The following MYO16 variants were observed in gnomAD, a reference collection of about 807,000 sequenced individuals.
MYO16 encodes unconventional myosin-XVI.
Under a neutral mutation model 205.3 loss-of-function variants are expected in MYO16, and 94 were observed. The ratio of observed to expected loss-of-function variants is 0.46; its 90% CI spans 0.39 to 0.54. The LOEUF (loss-of-function observed/expected upper bound fraction) is 0.54. Ranked by LOEUF, MYO16 falls within the 20% of genes least tolerant of loss-of-function variation. The pLI is 0.00. For synonymous variants in MYO16, 988 were observed against 954.0 expected (o/e 1.04, Z -0.66); for missense variants, 2,315 against 2,387.5 (o/e 0.97, Z 0.63).
At chr13:108,923,447 C>T (rs9555533) in intron 16 of MYO16, among the ~76,000 whole-genome samples, 26,540 of 152,198 alleles carry the variant, frequency 0.17, 2,629 homozygotes, top group East Asian at 0.49. Context: ...CTGTTTGGAG[C>T]AGTGGAGGGA....
At chr13:108,851,899 G>A (rs1307190158) in intron 10 of MYO16, among the ~76,000 whole-genome samples, 1 of 152,058 alleles carries the variant, frequency 6.6e-6, no homozygotes, top group African/African-American at 2.4e-5. Context: ...CAGGGCCCAG[G>A]AAGCTTTTCC....
chr13:108,714,967 C>G (rs1883884380), intron 3 of MYO16, among the ~76,000 whole-genome samples: 3 of 152,168 alleles, frequency 2.0e-5, no homozygotes, highest in Admixed American at 2.0e-4. Flanking sequence ...CAGGTTCCAT[C>G]TTTGCCTGCA....
At chr13:108,624,440 A>C (rs1386036172) in intron 1 of MYO16, among the ~76,000 whole-genome samples, 1 of 152,206 alleles carries the variant, frequency 6.6e-6, no homozygotes, top group African/African-American at 2.4e-5. Flanking sequence ...TCCATATCAC[A>C]CATGTGCACA....
chr13:108,822,178 G>GA (rs1306133977), intron 8 of MYO16, among the ~76,000 whole-genome samples: 1 of 152,028 alleles, frequency 6.6e-6, no homozygotes, highest in Non-Finnish European at 1.5e-5. Context: ...ATAGATTTAT[G>GA]AAAAAAATCT....
intron 13 of MYO16, among the ~76,000 whole-genome samples, chr13:108,884,610 A>T (rs1018749925): frequency 6.6e-6 from 1 of 152,148 alleles, no homozygotes; most frequent in South Asian, 2.1e-4. Context: ...TCTAGACACA[A>T]GGATGAGAAG....
intron 2 of MYO16, among the ~76,000 whole-genome samples, chr13:108,696,241 C>T (rs12184525): frequency 2.0e-5 from 3 of 152,062 alleles, no homozygotes; most frequent in Non-Finnish European, 2.9e-5. Flanking sequence ...AAGAATGTGT[C>T]TATACAAATG....
the MYO16 span, among the ~76,000 whole-genome samples, chr13:108,496,161 GGAAA>G: frequency 3.5e-4 from 54 of 152,286 alleles, 1 homozygote; most frequent in African/African-American, 1.2e-3. Context: ...TCCCTTCCTG[GGAAA>G]GGAATCGCGG....
chr13:108,976,458 A>G (rs1156497309), intron 20 of MYO16, among the ~76,000 whole-genome samples: 1 of 152,164 alleles, frequency 6.6e-6, no homozygotes, highest in Non-Finnish European at 1.5e-5. Context: ...GTATGTTTCC[A>G]CTTTCCTTGT....
At chr13:108,862,879 T>C (rs1220880740) in intron 11 of MYO16, among the ~76,000 whole-genome samples, 2 of 152,210 alleles carry the variant, frequency 1.3e-5, no homozygotes, top group Non-Finnish European at 2.9e-5. Flanking sequence ...GGAGCAATTT[T>C]GATTTTTTGG....
intron 2 of MYO16, among the ~76,000 whole-genome samples, chr13:108,697,263 C>T (rs957965): frequency 0.23 from 35,045 of 152,032 alleles, 4,618 homozygotes; most frequent in East Asian, 0.45. Flanking sequence ...TGGCTCTCCT[C>T]CCTTCATTCT....
intron 27 of MYO16, among the ~76,000 whole-genome samples, chr13:109,090,175 A>G (rs1286048857): frequency 1.3e-5 from 2 of 152,198 alleles, no homozygotes; most frequent in Admixed American, 6.5e-5. Flanking sequence ...TGTCATAGTG[A>G]TAATGCGAAG....
intron 16 of MYO16, among the ~76,000 whole-genome samples, chr13:108,935,687 C>T (rs1882447133): frequency 6.6e-6 from 1 of 152,104 alleles, no homozygotes; most frequent in South Asian, 2.1e-4. Context: ...GAGTCGGCAT[C>T]ATTGGCTTGT....
the MYO16 span, among the ~76,000 whole-genome samples, chr13:108,509,172 A>G: frequency 1.3e-5 from 2 of 152,240 alleles, no homozygotes; most frequent in African/African-American, 4.8e-5. Flanking sequence ...AGGGAGTAAT[A>G]TAAGTAGAGG....
At chr13:109,037,442 T>C (rs1886752183) in intron 23 of MYO16, among the ~76,000 whole-genome samples, 1 of 152,056 alleles carries the variant, frequency 6.6e-6, no homozygotes, top group African/African-American at 2.4e-5. Context: ...AGAAGCTTTT[T>C]ATTGGGAGGC....
rs557052308 is a variant in MYO16 at position 108,998,481 on chromosome 13, T to C, written c.2442+6033T>C. On this transcript the variant is annotated intron_variant, in intron 21 of 34. Transcript: ENST00000457511. ...AATTAGATTTTCTCTGGCCAGATAA[T>C]ATGTTCCCACTTCTGCACCAATTCT... Among the ~76,000 whole-genome samples the C allele has an allele frequency of 1.6e-3, 247 of 152,320 alleles. 1 individual carries two copies. The highest frequency in any genetic ancestry group is 5.7e-3 in the African/African-American group (237 of 41,582).
chr13:109,032,378 A>C (rs1023646625), intron 23 of MYO16, among the ~76,000 whole-genome samples: 7 of 152,076 alleles, frequency 4.6e-5, no homozygotes, highest in African/African-American at 1.4e-4. Context: ...TATCCCTCCC[A>C]CATCGTCGCA....
At chr13:108,761,375 A>G (rs1393620542) in intron 4 of MYO16, among the ~76,000 whole-genome samples, 2 of 151,946 alleles carry the variant, frequency 1.3e-5, no homozygotes, top group East Asian at 1.9e-4. Flanking sequence ...GAAAAAGAAA[A>G]AAAAGCTCTC....
chr13:109,026,139 T>C (rs556132094), intron 23 of MYO16, among the ~76,000 whole-genome samples: 1 of 152,240 alleles, frequency 6.6e-6, no homozygotes, highest in Non-Finnish European at 1.5e-5. Flanking sequence ...CAAATGCTTA[T>C]GCATTATAAT....
chr13:109,104,845 CTACT>C (rs1889072232), intron 28 of MYO16, among the ~76,000 whole-genome samples: 1 of 152,180 alleles, frequency 6.6e-6, no homozygotes. Context: ...CATTCCCTGG[CTACT>C]AGATTTTAAA....
Sources: allele counts gnomAD v4.1 joint callset (sites outside exome capture counted in the v4.1 genomes callset), GRCh38; gene constraint gnomAD v4.1.1; transcripts MANE v1.5; gene names NCBI Gene and HGNC (gene_info 2026-07-23, HGNC 2026-07-21).